PTPRM: variants seen among roughly 807,000 people sequenced by gnomAD.
The protein encoded by PTPRM is protein tyrosine phosphatase receptor type M, also known as receptor-type tyrosine-protein phosphatase mu.
In PTPRM, 47 loss-of-function variants were observed where a neutral mutation model predicts 186.7. The ratio of observed to expected loss-of-function variants is 0.25; its 90% CI spans 0.20 to 0.32. The LOEUF (loss-of-function observed/expected upper bound fraction) is 0.32, where lower values mean the gene tolerates loss of function less well. Ranked by LOEUF, PTPRM falls within the 10% of genes least tolerant of loss-of-function variation. The probability of loss-of-function intolerance (pLI) is 1.00; values close to 1 mark genes in which losing one functional copy is unlikely to be tolerated. For synonymous variants in PTPRM, 668 were observed against 674.9 expected (o/e 0.99, Z 0.16); for missense variants, 1,494 against 1,865.0 (o/e 0.80, Z 3.66).
At chr18:8,046,785 C>T (rs2087092702) in intron 7 of PTPRM, among the ~76,000 whole-genome samples, 1 of 152,146 alleles carries the variant, frequency 6.6e-6, no homozygotes, top group African/African-American at 2.4e-5. Context: ...GCAGTTGCAT[C>T]ATTCATGGCA....
intron 17 of PTPRM, among the ~76,000 whole-genome samples, chr18:8,250,604 A>T (rs528490298): frequency 1.3e-5 from 2 of 151,912 alleles, no homozygotes; most frequent in South Asian, 4.2e-4. Flanking sequence ...ACATAAGGAG[A>T]CCCCCATCTC....
At chr18:8,106,865 C>T (rs543234991) in intron 11 of PTPRM, among the ~76,000 whole-genome samples, 1 of 152,214 alleles carries the variant, frequency 6.6e-6, no homozygotes. Flanking sequence ...AGTCAATGCT[C>T]TCTCATCAGC....
chr18:7,984,602 T>TATATACACACAC (rs1214502563), intron 7 of PTPRM, among the ~76,000 whole-genome samples: 2 of 87,198 alleles, frequency 2.3e-5, no homozygotes, highest in African/African-American at 9.8e-5. Context: ...TATATATATA[T>TATATACACACAC]ACACACACAC....
In PTPRM at chr18:8,379,160, C is replaced by T; in HGVS notation, c.3613-7C>T. On this transcript the variant is annotated splice_polypyrimidine_tract_variant and splice_region_variant and intron_variant, in intron 27 of 32. Coordinates refer to ENST00000580170, the MANE Select transcript of PTPRM (RefSeq NM_001105244.2). ...TTGTCCTCATGTTCCTTTCTTTTCT[C>T]ACGCAGACGCTAAACATGGTGACAC... 2 of 1,579,920 alleles carry T rather than the reference C, an allele frequency of 1.3e-6. No individual in the cohort carries two copies. The highest frequency in any genetic ancestry group is 1.2e-5 in the South Asian group (1 of 86,080).
chr18:8,300,956 G>A (rs890161562), intron 20 of PTPRM, among the ~76,000 whole-genome samples: 5 of 152,044 alleles, frequency 3.3e-5, no homozygotes, highest in Non-Finnish European at 7.4e-5. Flanking sequence ...TGACTCACAC[G>A]TACATAGTGG....
At chr18:8,245,506 A>T (rs1349771577) in intron 15 of PTPRM, among the ~76,000 whole-genome samples, 1 of 152,078 alleles carries the variant, frequency 6.6e-6, no homozygotes, top group Non-Finnish European at 1.5e-5. Context: ...CCATTTTTTC[A>T]TAGAGTTCTC....
chr18:7,799,724 CT>C (rs1177643333), intron 2 of PTPRM, among the ~76,000 whole-genome samples: 1 of 151,972 alleles, frequency 6.6e-6, no homozygotes, highest in Non-Finnish European at 1.5e-5. Flanking sequence ...AAAAATGTTG[CT>C]GATACATAGA....
intron 21 of PTPRM, 42 bp from the exon 22 acceptor site, chr18:8,319,136 C>A: frequency 7.4e-7 from 1 of 1,351,446 alleles, no homozygotes; most frequent in Non-Finnish European, 1.0e-6. Context: ...TGCTGTTTAT[C>A]GATTTTATGT....
At position 7,906,539 on chromosome 18, in the gene PTPRM, G is replaced by C; in HGVS notation, c.503G>C (p.Gly168Ala). ...IFEVITSGHQ[G>A]YLAIDEVKVL... is the part of the protein sequence containing the mutation. Reference sequence around the variant, plus strand: ...GAAGTGATAACTTCTGGACATCAAGGCTATCTCGCTATCGATGAGGTGAAG... The same window carrying C: ...GAAGTGATAACTTCTGGACATCAAGCCTATCTCGCTATCGATGAGGTGAAG... The change falls in exon 4 of 33, where the codon GGC becomes GCC. Residue 168 changes from glycine to alanine, a missense_variant. Transcript: ENST00000580170. 5 of 1,613,604 alleles carry C rather than the reference G, an allele frequency of 3.1e-6. No individual in the cohort carries two copies. The highest frequency in any genetic ancestry group is 4.2e-6 in the Non-Finnish European group (5 of 1,179,492).
chr18:8,323,409 TATG>T (rs1363126942), intron 22 of PTPRM, among the ~76,000 whole-genome samples: 1 of 152,190 alleles, frequency 6.6e-6, no homozygotes, highest in Non-Finnish European at 1.5e-5. Flanking sequence ...CTTTCTAAGT[TATG>T]ATGCTTCTCA....
chr18:7,969,594 A>G (rs2054394522), intron 7 of PTPRM, among the ~76,000 whole-genome samples: 1 of 144,414 alleles, frequency 6.9e-6, no homozygotes, highest in Non-Finnish European at 1.5e-5. Context: ...GAGAAGAATC[A>G]AATAGACACA....
intron 20 of PTPRM, among the ~76,000 whole-genome samples, chr18:8,304,821 A>ATTT (rs34216473): frequency 1.5e-5 from 2 of 131,290 alleles, no homozygotes; most frequent in African/African-American, 5.4e-5. Context: ...TGTTGACTTT[A>ATTT]TTTTTTTTTT....
intron 14 of PTPRM, among the ~76,000 whole-genome samples, chr18:8,192,924 C>T (rs1324725207): frequency 6.6e-6 from 1 of 152,052 alleles, no homozygotes; most frequent in Non-Finnish European, 1.5e-5. Flanking sequence ...TTAGCAAAGC[C>T]AGTAGTGATA....
At chr18:7,994,505 T>C (rs946560999) in intron 7 of PTPRM, among the ~76,000 whole-genome samples, 1 of 152,162 alleles carries the variant, frequency 6.6e-6, no homozygotes, top group Non-Finnish European at 1.5e-5. Flanking sequence ...GAACCTTTCA[T>C]CCGACAACTG....
chr18:7,602,772 G>T, intron 1 of PTPRM, among the ~76,000 whole-genome samples: 1 of 148,606 alleles, frequency 6.7e-6, no homozygotes, highest in African/African-American at 2.5e-5. Flanking sequence ...TAAAAGTGTT[G>T]GCATTTAAAA....
At chr18:8,361,704 G>A (rs1417798466) in intron 23 of PTPRM, among the ~76,000 whole-genome samples, 1 of 152,016 alleles carries the variant, frequency 6.6e-6, no homozygotes, top group Non-Finnish European at 1.5e-5. Context: ...ATCCTCTTTT[G>A]CCAGTAAGGA....
chr18:7,825,566 T>A (rs2045441604), intron 2 of PTPRM, among the ~76,000 whole-genome samples: 1 of 152,052 alleles, frequency 6.6e-6, no homozygotes, highest in East Asian at 1.9e-4. Flanking sequence ...GTTTGGAAGG[T>A]GGATAATTGG....
At chr18:8,044,165 G>A (rs1176401456) in intron 7 of PTPRM, among the ~76,000 whole-genome samples, 1 of 152,154 alleles carries the variant, frequency 6.6e-6, no homozygotes, top group East Asian at 1.9e-4. Context: ...CAGGGTTGAG[G>A]CCTAGTCAAC....
intron 32 of PTPRM, among the ~76,000 whole-genome samples, chr18:8,397,248 C>A (rs1480011169): frequency 6.6e-6 from 1 of 152,264 alleles, no homozygotes; most frequent in Admixed American, 6.5e-5. Context: ...CCCTTCCGTT[C>A]AGAACAGGCA....
Sources: gnomAD v4.1 joint callset for allele counts (sites outside exome capture counted in the v4.1 genomes callset) on GRCh38, gnomAD v4.1.1 for gene constraint, MANE v1.5 for transcripts, NCBI Gene and HGNC (gene_info 2026-07-23, HGNC 2026-07-21) for gene names.